The following ASIC2 variants were observed in gnomAD, a reference collection of about 807,000 sequenced individuals.
ASIC2 encodes acid sensing ion channel subunit 2.
A neutral mutation model predicts 57.3 loss-of-function variants in ASIC2; 25 were observed. The observed-to-expected ratio is 0.44, with a 90% CI of 0.32 to 0.61. The LOEUF (loss-of-function observed/expected upper bound fraction) is 0.61, where lower values mean the gene tolerates loss of function less well. Among genes scored for constraint, ASIC2 ranks in the 20% least tolerant of loss-of-function variants. The pLI, the probability that ASIC2 is intolerant of heterozygous loss-of-function variation, is 0.06. For missense variants in ASIC2, 641 were observed against 738.1 expected (o/e 0.87, Z 1.52); for synonymous variants, 319 against 307.5 (o/e 1.04, Z -0.39).
intron 1 of ASIC2, among the ~76,000 whole-genome samples, chr17:33,718,532 G>A (rs1441165997): frequency 3.9e-5 from 6 of 152,100 alleles, no homozygotes; most frequent in African/African-American, 1.4e-4. Flanking sequence ...ATTTCAGGAT[G>A]TGTGCAAATT....
At chr17:33,634,710 C>CTTTTTTTTTTTTTTTTT (rs71144892) in intron 1 of ASIC2, 1 of 74,038 alleles carries the variant, frequency 1.4e-5, no homozygotes, top group Non-Finnish European at 2.7e-5. Flanking sequence ...TTCTTTCTTT[C>CTTTTTTTTTTTTTTTTT]TTTTTTTTTT....
At chr17:33,981,376 C>T (rs1031136190) in intron 1 of ASIC2, among the ~76,000 whole-genome samples, 2 of 152,190 alleles carry the variant, frequency 1.3e-5, no homozygotes, top group Non-Finnish European at 2.9e-5. Flanking sequence ...TTTCATTTTG[C>T]CTGGCCCACA....
At chr17:33,657,107 G>A (rs972285050) in intron 1 of ASIC2, among the ~76,000 whole-genome samples, 4 of 152,214 alleles carry the variant, frequency 2.6e-5, no homozygotes, top group African/African-American at 9.7e-5. Context: ...GGCGGCTCAT[G>A]TGTGCTCTCC....
chr17:33,528,235 C>A (rs1053710881), intron 1 of ASIC2, among the ~76,000 whole-genome samples: 1 of 142,544 alleles, frequency 7.0e-6, no homozygotes, highest in East Asian at 2.3e-4. Context: ...AGCCAGTGGA[C>A]TTGCAGTACT....
chr17:33,376,221 G>A (rs1231462361), intron 1 of ASIC2, among the ~76,000 whole-genome samples: 1 of 152,062 alleles, frequency 6.6e-6, no homozygotes, highest in Non-Finnish European at 1.5e-5. Flanking sequence ...TGAGTAAAAA[G>A]ACAGTCAAAA....
chr17:33,965,002 AG>A (rs1208221572), intron 1 of ASIC2, among the ~76,000 whole-genome samples: 19 of 152,326 alleles, frequency 1.2e-4, no homozygotes, highest in Admixed American at 1.2e-3. Flanking sequence ...GGTGAGTGTT[AG>A]GGGAACAGGG....
chr17:33,451,747 A>G lies in ASIC2; in HGVS notation c.556-339680T>C, dbSNP rs1160520208. ...TAACATCCTCAGTGGCATATCCTCA[A>G]TGGTGTATTGGCTTCTCTCCTTAGT... On this transcript the variant is annotated intron_variant, in intron 1 of 9. Transcript: ENST00000359872. Among the ~76,000 whole-genome samples the G allele has an allele frequency of 3.3e-5, 5 of 152,278 alleles. No individual in the cohort carries two copies. In the East Asian group the frequency reaches 5.8e-4, roughly 18 times the overall value.
intron 1 of ASIC2, among the ~76,000 whole-genome samples, chr17:33,305,190 T>C (rs537256568): frequency 2.1e-4 from 32 of 152,190 alleles, no homozygotes; most frequent in Non-Finnish European, 3.7e-4. Flanking sequence ...GTTGTTTTTA[T>C]TGGTACCAAG....
chr17:33,492,348 G>A (rs1231997492), intron 1 of ASIC2, among the ~76,000 whole-genome samples: 2 of 152,180 alleles, frequency 1.3e-5, no homozygotes, highest in African/African-American at 4.8e-5. Context: ...CCTTCATCAA[G>A]TTACTTAGCC....
Position 33,266,435 on chromosome 17 carries a change from G to T in ASIC2, c.708+24973C>A, listed in dbSNP as rs139953142. Among the ~76,000 whole-genome samples, 107 of 152,294 alleles carry T rather than the reference G, an allele frequency of 7.0e-4. 2 individuals are homozygous for T. The East Asian group carries it at 0.017, about 24-fold the overall frequency. ...ATGAATGAAAAACAACAGATTCCCA[G>T]TTTTTCATTTGGGTCAAAAAGAATG... On this transcript the variant is annotated intron_variant, in intron 1 of 9. Transcript: ENST00000225823.
intron 1 of ASIC2, among the ~76,000 whole-genome samples, chr17:33,608,455 T>A (rs1905292623): frequency 6.6e-6 from 1 of 152,102 alleles, no homozygotes; most frequent in Admixed American, 6.5e-5. Context: ...AATCCACACA[T>A]CTAGGTATGT....
intron 1 of ASIC2, among the ~76,000 whole-genome samples, chr17:33,868,811 C>A (rs1914313434): frequency 6.6e-6 from 1 of 152,188 alleles, no homozygotes; most frequent in Admixed American, 6.5e-5. Context: ...TACCTGTAAT[C>A]CCACCACTTT....
intron 1 of ASIC2, among the ~76,000 whole-genome samples, chr17:33,789,450 G>T (rs909175927): frequency 7.2e-6 from 1 of 138,374 alleles, no homozygotes; most frequent in Non-Finnish European, 1.6e-5. Flanking sequence ...GTGAGATTTA[G>T]CAGAGAATCA....
chr17:33,786,896 C>A (rs1911615395), intron 1 of ASIC2, among the ~76,000 whole-genome samples: 1 of 152,194 alleles, frequency 6.6e-6, no homozygotes, highest in African/African-American at 2.4e-5. Context: ...TGCAGTACAT[C>A]ATCAAAGGTG....
At chr17:33,746,633 A>C (rs1211095930) in intron 1 of ASIC2, among the ~76,000 whole-genome samples, 2 of 152,046 alleles carry the variant, frequency 1.3e-5, no homozygotes, top group Non-Finnish European at 2.9e-5. Flanking sequence ...TAATGGTTAG[A>C]GGCTTTAATA....
intron 8 of ASIC2, 62 bp from the exon 9 acceptor site, chr17:33,016,101 C>T (rs984909947): frequency 1.3e-6 from 2 of 1,547,526 alleles, no homozygotes; most frequent in African/African-American, 2.7e-5. Flanking sequence ...CAGAAGGGAC[C>T]TCCCTCCATT....
chr17:33,645,850 G>A (rs537965884), intron 1 of ASIC2, among the ~76,000 whole-genome samples: 2 of 152,172 alleles, frequency 1.3e-5, no homozygotes. Flanking sequence ...CCAATGAATT[G>A]GGCAATTTTA....
chr17:33,539,734 G>A (rs1915347226), intron 1 of ASIC2, among the ~76,000 whole-genome samples: 1 of 152,186 alleles, frequency 6.6e-6, no homozygotes, highest in Admixed American at 6.5e-5. Context: ...GTATTTACTG[G>A]CTGCCAACTG....
chr17:33,640,231 G>T (rs1906515864), intron 1 of ASIC2, among the ~76,000 whole-genome samples: 1 of 152,132 alleles, frequency 6.6e-6, no homozygotes, highest in Non-Finnish European at 1.5e-5. Context: ...AGAGAGAAAA[G>T]CTGCCATGGG....
Sources: allele counts gnomAD v4.1 joint callset (sites outside exome capture counted in the v4.1 genomes callset), GRCh38; gene constraint gnomAD v4.1.1; transcripts MANE v1.5; gene names NCBI Gene and HGNC (gene_info 2026-07-23, HGNC 2026-07-21).